The following TIE1 variants were observed in gnomAD, a reference collection of about 807,000 sequenced individuals.
TIE1 encodes the protein tyrosine-protein kinase receptor Tie-1.
TIE1 carries 89 observed loss-of-function variants against 130.5 expected under a neutral mutation model. The ratio of observed to expected loss-of-function variants is 0.68; its 90% confidence interval spans 0.57 to 0.81. The LOEUF (loss-of-function observed/expected upper bound fraction) is 0.81, where lower values mean the gene tolerates loss of function less well. Ranked by LOEUF, TIE1 falls within the 40% of genes least tolerant of loss-of-function variation. The probability of loss-of-function intolerance (pLI) is 0.00; values close to 1 mark genes in which losing one functional copy is unlikely to be tolerated. For synonymous variants in TIE1, 568 were observed against 629.4 expected, an observed-to-expected ratio of 0.90 and a Z score of 1.46; for missense variants, 1,392 against 1,559.8, an observed-to-expected ratio of 0.89 and a Z score of 1.81.
chr1:43,322,582 G>C lies in TIE1; in HGVS notation c.3346-69G>C. On this transcript the variant is annotated intron_variant, in intron 22 of 22. Transcript: ENST00000372476. The surrounding 1 kb of genome is among the most constrained non-coding windows in gnomAD (Gnocchi z 4.0). Reference sequence around the variant, plus strand: ...TCAGTTCAAATGCCCCCACCACATGGAAGTCCAGGAGCTTGAGGCCAGATG... The same window carrying C: ...TCAGTTCAAATGCCCCCACCACATGCAAGTCCAGGAGCTTGAGGCCAGATG... 1 of 1,229,984 alleles carries C rather than the reference G, an allele frequency of 8.1e-7. No individual in the cohort carries two copies. Among genetic ancestry groups the C allele is most frequent in the Non-Finnish European group, 1.2e-6 (1 of 837,376 alleles). 76.2% of individuals were successfully genotyped at this position (1,229,984 alleles called of 1,614,324 possible). A position where few individuals can be genotyped will look rare whatever the true frequency, so the allele number is the denominator to read the frequency against.
chr1:43,308,897 A>T (rs748995674), intron 7 of TIE1, 89 bp from the exon 8 acceptor site: 1 of 1,577,886 alleles, frequency 6.3e-7, no homozygotes, highest in Non-Finnish European at 8.7e-7. Context: ...AGATACCTCC[A>T]CTGAGAAACA....
chr1:43,303,501 T>C (rs1411446267), intron 1 of TIE1, among the ~76,000 whole-genome samples: 1 of 152,138 alleles, frequency 6.6e-6, no homozygotes, highest in Non-Finnish European at 1.5e-5. Context: ...CAAACACTGA[T>C]AAGCTAGGTG....
chr1:43,304,176 C>T (rs944305914), intron 1 of TIE1, among the ~76,000 whole-genome samples: 12 of 152,200 alleles, frequency 7.9e-5, no homozygotes, highest in African/African-American at 2.2e-4. Flanking sequence ...CTCAAAGGAT[C>T]CTCCCACCTC....
rs1374720004 is a variant in TIE1, at chr1:43,312,656, G to T, written c.1927+55G>T. ...GTTGGGGGAGGACGTGGGACACAGG[G>T]ACACATGAGACCTAGGAGACACGGG... On this transcript the variant is annotated intron_variant, in intron 12 of 22. Transcript: ENST00000372476. This position sits in a 1 kb window ranked among gnomAD's most constrained non-coding sequence, Gnocchi z 5.6. 3 of 1,541,170 alleles carry T rather than the reference G, an allele frequency of 1.9e-6. No individual in the cohort carries two copies. The highest frequency in any genetic ancestry group is 1.9e-5 in the Admixed American group (1 of 53,766).
rs1646927377 is a variant in TIE1, at chr1:43,322,211, A to T, written c.3346-440A>T. On this transcript the variant is annotated intron_variant, in intron 22 of 22. Coordinates refer to ENST00000372476, the MANE Select transcript of TIE1 (RefSeq NM_005424.5). This position sits in a 1 kb window ranked among gnomAD's most constrained non-coding sequence, Gnocchi z 4.0. ...AATCTACTAACCATGTGAATAAGTG[A>T]ATTATCAAATAAATATAATGAAAAA... Among the ~76,000 whole-genome samples, 1 of 152,258 alleles carries T rather than the reference A, an allele frequency of 6.6e-6. No individual in the cohort carries two copies. Among genetic ancestry groups the T allele is most frequent in the Admixed American group, 6.5e-5 (1 of 15,284 alleles).
chr1:43,313,092 C>T lies in TIE1; in HGVS notation c.1928-43C>T. 1.9e-6 allele frequency: 3 copies of T among 1,567,946 alleles called. No homozygotes were observed. Among genetic ancestry groups the T allele is most frequent in the Middle Eastern group, 4.7e-4 (2 of 4,230 alleles). On this transcript the variant is annotated intron_variant, in intron 12 of 22. Transcript: ENST00000372476. This position sits in a 1 kb window ranked among gnomAD's most constrained non-coding sequence, Gnocchi z 6.2. ...TGTGTCCAGCCCCACAGCTACATAG[C>T]CCGGTCCTATCTGAGCCTTGCCTTC...
At position 43,319,334 on chromosome 1, in the gene TIE1, G is replaced by A; in HGVS notation, c.3022G>A (p.Val1008Met). 1.9e-6 allele frequency: 3 copies of A among 1,614,022 alleles called. No homozygotes were observed. The highest frequency in any genetic ancestry group is 2.5e-6 in the Non-Finnish European group (3 of 1,179,926). Residue 1008 changes from valine to methionine, a missense_variant, in exon 18 of 23, where the codon GTG (valine) becomes ATG (methionine). By Grantham distance (21) the Val-to-Met change is conservative (BLOSUM62 1). Transcript: ENST00000372476. This position sits in a 1 kb window ranked among gnomAD's most constrained non-coding sequence, Gnocchi z 4.7. ...CCTTTCTCGGGGAGAGGAGGTTTATGTGAAGAAGACGATGGTGAGTCTCAT... is the reference window on the plus strand; with the variant it reads ...CCTTTCTCGGGGAGAGGAGGTTTATATGAAGAAGACGATGGTGAGTCTCAT... The part of the protein sequence containing the change: ...FGLSRGEEVY[V>M]KKTMGRLPVR...
Position 43,307,533 on chromosome 1 carries a change from T to C in TIE1, c.874T>C (p.Ser292Pro). The change falls in exon 6 of 23, where the codon TCT becomes CCT. Residue 292 changes from serine to proline, a missense_variant. Around this residue, in one of 6 missense-constraint regions of TIE1, gnomAD observed 415 missense variants for 424.8 expected, o/e 0.98. Transcript: ENST00000372476. This position sits in a 1 kb window ranked among gnomAD's most constrained non-coding sequence, Gnocchi z 5.4. ...TFCLPDPYGC[S>P]CGSGWRGSQC... Reference sequence around the variant, plus strand: ...CTGCCTCCCAGACCCCTATGGCTGCTCTTGTGGATCTGGCTGGAGAGGAAG... The same window carrying C: ...CTGCCTCCCAGACCCCTATGGCTGCCCTTGTGGATCTGGCTGGAGAGGAAG... The C allele has an allele frequency of 6.2e-7, 1 of 1,614,110 alleles. No individual in the cohort carries two copies. The highest frequency in any genetic ancestry group is 8.5e-7 in the Non-Finnish European group (1 of 1,180,012).
rs754649238 is a variant in TIE1, at chr1:43,317,421, C to T, written c.2620+12C>T. On this transcript the variant is annotated intron_variant, in intron 15 of 22. Coordinates refer to ENST00000372476, the MANE Select transcript of TIE1 (RefSeq NM_005424.5). The surrounding 1 kb of genome is among the most constrained non-coding windows in gnomAD (Gnocchi z 5.1). Reference sequence around the variant, plus strand: ...CAAAATGCTGAAAGGTCCACTGGGGCGACCCCTGGCCCAGCCCTGATGCTC... The same window carrying T: ...CAAAATGCTGAAAGGTCCACTGGGGTGACCCCTGGCCCAGCCCTGATGCTC... The T allele has an allele frequency of 2.1e-5, 34 of 1,613,898 alleles. No individual in the cohort carries two copies. The Middle Eastern group carries it at 5.0e-4, about 24-fold the overall frequency.
At chr1:43,301,881 A>C (rs1646674375) in intron 1 of TIE1, among the ~76,000 whole-genome samples, 1 of 152,216 alleles carries the variant, frequency 6.6e-6, no homozygotes, top group East Asian at 1.9e-4. Context: ...AGAAAAAAAG[A>C]TGGTAAAATT....
intron 19 of TIE1, chr1:43,320,342 T>C (rs1646901597): frequency 6.6e-6 from 1 of 152,230 alleles, no homozygotes; most frequent in Admixed American, 6.5e-5. Context: ...ATAGAACCTG[T>C]ATCATAGGGT....
chr1:43,314,036 A>G (rs1287227583), intron 14 of TIE1, 68 bp downstream of exon 14: 4 of 1,510,948 alleles, frequency 2.6e-6, no homozygotes, highest in Non-Finnish European at 3.7e-6. Flanking sequence ...CTGTGTACAC[A>G]CAATACCTTG....
Position 43,311,737 on chromosome 1 carries a change from C to G in TIE1, c.1400C>G (p.Pro467Arg). The G allele has an allele frequency of 6.2e-7, 1 of 1,614,110 alleles. No homozygotes were observed. The highest frequency in any genetic ancestry group is 8.5e-7 in the Non-Finnish European group (1 of 1,180,012). Reference protein sequence around the residue: ...TKQSRQLVVSPLVSFSGDGPI... With the variant: ...TKQSRQLVVSRLVSFSGDGPI... Reference sequence around the variant, plus strand: ...CAGAGCCGCCAGCTTGTGGTCTCCCCGCTGGTCTCGTTCTCTGGGGATGGA... The same window carrying G: ...CAGAGCCGCCAGCTTGTGGTCTCCCGGCTGGTCTCGTTCTCTGGGGATGGA... The change falls in exon 10 of 23, where the codon CCG becomes CGG. Residue 467 changes from proline (P) to arginine (R), a missense_variant. Coordinates refer to ENST00000372476, the MANE Select transcript of TIE1 (RefSeq NM_005424.5).
intron 14 of TIE1, chr1:43,314,401 G>A: frequency 2.7e-6 from 3 of 1,122,504 alleles, no homozygotes; most frequent in South Asian, 4.2e-5. Context: ...GGGCTCGGGA[G>A]CCAGCCTCTG....
In TIE1 at chr1:43,307,472, G is replaced by C. The variant is rs145081413; in HGVS notation, c.813G>C (p.Gln271His). ...GTTTTGGGCAGAGCTGCCAGGAGCA[G>C]TGCCCAGGCATATCAGGCTGCCGGG... ...EGRFGQSCQE[Q>H]CPGISGCRGL... The change falls in exon 6 of 23, where the codon CAG (glutamine) becomes CAC (histidine). Residue 271 changes from glutamine to histidine, a missense_variant. Physicochemically the swap from Gln to His is conservative, Grantham distance 24. This residue lies in a region of TIE1 where 415 missense variants were observed against 424.8 expected (regional missense o/e 0.98). Coordinates refer to ENST00000372476, the MANE Select transcript of TIE1 (RefSeq NM_005424.5). This position sits in a 1 kb window ranked among gnomAD's most constrained non-coding sequence, Gnocchi z 5.4. 39 of 1,614,194 alleles carry C rather than the reference G, an allele frequency of 2.4e-5. No individual in the cohort carries two copies. The African/African-American group carries it at 5.1e-4, about 21-fold the overall frequency.
chr1:43,320,979 G>C (rs1490537609), intron 19 of TIE1: 4 of 460,172 alleles, frequency 8.7e-6, no homozygotes, highest in African/African-American at 8.0e-5. Context: ...GGGAGGTTGA[G>C]GCTGCAGTAA....
chr1:43,317,353 G>C lies in TIE1; in HGVS notation c.2564G>C (p.Arg855Pro), dbSNP rs760864280. 1 of 1,614,040 alleles carries C rather than the reference G, an allele frequency of 6.2e-7. No individual in the cohort carries two copies. Among genetic ancestry groups the C allele is most frequent in the Non-Finnish European group, 8.5e-7 (1 of 1,180,014 alleles). ...GAGGGGAACTTCGGCCAGGTCATCC[G>C]GGCCATGATCAAGAAGGACGGGCTG... Reference protein sequence around the residue: ...IGEGNFGQVIRAMIKKDGLKM... With the variant: ...IGEGNFGQVIPAMIKKDGLKM... The change falls in exon 15 of 23, where the codon CGG becomes CCG. Residue 855 changes from arginine to proline, a missense_variant. Arg to Pro is a moderately radical substitution (Grantham distance 103). Around this residue, in one of 6 missense-constraint regions of TIE1, gnomAD observed 286 missense variants for 354.4 expected, o/e 0.81. Transcript: ENST00000372476. The surrounding 1 kb of genome is among the most constrained non-coding windows in gnomAD (Gnocchi z 5.1).
chr1:43,311,778 C>T lies in TIE1; in HGVS notation c.1441C>T (p.Arg481Cys), dbSNP rs139244400. ...FSGDGPISTV[R>C]LHYRPQDSTM... is the part of the protein sequence containing the mutation. ...TGGGGATGGACCCATCTCCACTGTC[C>T]GCCTGCACTACCGGCCCCAGGACAG... is the stretch of plus-strand genomic sequence containing the variant. The change falls in exon 10 of 23, where the codon CGC becomes TGC. Residue 481 changes from arginine to cysteine, a missense_variant. Arg to Cys is a radical substitution (Grantham distance 180). Around this residue, in one of 6 missense-constraint regions of TIE1, gnomAD observed 551 missense variants for 565.5 expected, o/e 0.97. Coordinates refer to ENST00000372476, the MANE Select transcript of TIE1 (RefSeq NM_005424.5). The T allele has an allele frequency of 5.9e-5, 95 of 1,614,006 alleles. No individual in the cohort carries two copies. The highest frequency in any genetic ancestry group is 1.6e-4 in the Middle Eastern group (1 of 6,082).
Position 43,317,838 on chromosome 1 carries a change from T to C in TIE1, c.2732-44T>C, listed in dbSNP as rs762821066. 4 of 1,605,174 alleles carry C rather than the reference T, an allele frequency of 2.5e-6. No homozygotes were observed. The highest frequency in any genetic ancestry group is 3.4e-6 in the Non-Finnish European group (4 of 1,173,228). The stretch of plus-strand genomic sequence containing the variant: ...ATCGGGTGCCTGCTCCCACCCTAGG[T>C]TGCCTGTGTCTAAATCACCACTGTC... On this transcript the variant is annotated intron_variant, in intron 16 of 22. Coordinates refer to ENST00000372476, the MANE Select transcript of TIE1 (RefSeq NM_005424.5). This position sits in a 1 kb window ranked among gnomAD's most constrained non-coding sequence, Gnocchi z 5.1.
Sources: allele counts gnomAD v4.1 joint callset (sites outside exome capture counted in the v4.1 genomes callset), GRCh38; gene constraint gnomAD v4.1.1; regional missense constraint gnomAD v4.1.1; non-coding constraint Gnocchi (gnomAD v3.1); transcripts MANE v1.5; gene names NCBI Gene and HGNC (gene_info 2026-07-23, HGNC 2026-07-21).